Variants in USP45 observed in about 807,000 individuals in gnomAD.
USP45 encodes the protein ubiquitin specific peptidase 45.
USP45 carries 89 observed loss-of-function variants against 95.8 expected under a neutral mutation model. The ratio of observed to expected loss-of-function variants is 0.93; its 90% CI spans 0.78 to 1.11. USP45 has a LOEUF of 1.11. Ranked by LOEUF, USP45 falls within the 50% of genes least tolerant of loss-of-function variation. USP45 has a pLI of 0.00. For missense variants in USP45, 898 were observed against 942.5 expected (o/e 0.95, Z 0.62); for synonymous variants, 281 against 316.2 (o/e 0.89, Z 1.18).
chr6:99,489,850 T>C (rs1794782990), intron 5 of USP45, among the ~76,000 whole-genome samples: 2 of 151,988 alleles, frequency 1.3e-5, no homozygotes, highest in East Asian at 1.9e-4. Context: ...ACTCAGGAGG[T>C]TGAGGCATGA....
chr6:99,515,189 A>C (rs1242677573), intron 1 of USP45: 1 of 152,314 alleles, frequency 6.6e-6, no homozygotes, highest in African/African-American at 2.4e-5. Flanking sequence ...CCGCAGCCGC[A>C]TGGACCCGGA....
intron 7 of USP45, among the ~76,000 whole-genome samples, chr6:99,487,854 C>G (rs1794334478): frequency 6.6e-6 from 1 of 151,788 alleles, no homozygotes; most frequent in Non-Finnish European, 1.5e-5. Context: ...CTTTAAAGAA[C>G]AAAAATGCTA....
chr6:99,462,813 T>C (rs1318434613), intron 13 of USP45: 4 of 431,252 alleles, frequency 9.3e-6, no homozygotes, highest in Non-Finnish European at 1.3e-5. Flanking sequence ...CAAAACCCTA[T>C]CTCTACAAAA....
At chr6:99,445,568 G>A (rs927230849) in intron 14 of USP45, among the ~76,000 whole-genome samples, 24 of 151,608 alleles carry the variant, frequency 1.6e-4, no homozygotes, top group African/African-American at 5.8e-4. Context: ...ATATGGGTTT[G>A]CATTTTCAAG....
chr6:99,471,597 T>C (rs73494572), intron 9 of USP45, among the ~76,000 whole-genome samples: 207 of 152,326 alleles, frequency 1.4e-3, no homozygotes, highest in African/African-American at 4.9e-3. Context: ...TCTAGGAAAT[T>C]TGATTTTGTA....
chr6:99,435,545 T>C lies in USP45; in HGVS notation c.*171A>G, dbSNP rs954148173. The C allele has an allele frequency of 1.8e-5, 8 of 457,040 alleles. No homozygotes were observed. Among genetic ancestry groups the C allele is most frequent in the African/African-American group, 1.4e-4 (7 of 49,426 alleles). The allele number at this position is 457,040 out of a possible 1,614,324, so 28.3% of individuals were successfully genotyped here. On this transcript the variant is annotated 3_prime_UTR_variant, in exon 18 of 18. Coordinates refer to ENST00000500704, the MANE Select transcript of USP45 (RefSeq NM_001346022.3). ...TTTTAAGACTATGAATTTTAAAGCA[T>C]TGAGTAAATTTACTTTAAAAGGGTT...
At chr6:99,447,903 G>A (rs536581116) in intron 13 of USP45, among the ~76,000 whole-genome samples, 49 of 152,322 alleles carry the variant, frequency 3.2e-4, no homozygotes, top group African/African-American at 1.2e-3. Context: ...TCGCTGTTCT[G>A]CAGCCTCCGC....
At chr6:99,491,345 T>G (rs9483939) in intron 5 of USP45, among the ~76,000 whole-genome samples, 3,935 of 152,322 alleles carry the variant, frequency 0.026, 192 homozygotes, top group African/African-American at 0.09. Context: ...CTGATATGGA[T>G]GCTGGCTGGG....
At chr6:99,473,777 A>AACACACACACACACACAC (rs60031754) in intron 9 of USP45, among the ~76,000 whole-genome samples, 18,412 of 127,504 alleles carry the variant, frequency 0.14, 1,710 homozygotes, top group Middle Eastern at 0.21. Context: ...AAAAAAACAA[A>AACACACACACACACACAC]ACACACACAC....
At chr6:99,457,906 C>G (rs1785445531) in intron 13 of USP45, among the ~76,000 whole-genome samples, 1 of 152,162 alleles carries the variant, frequency 6.6e-6, no homozygotes. Context: ...CTTTTATCCT[C>G]CTACTCCTAG....
At position 99,461,030 on chromosome 6, in the gene USP45, G is replaced by C. The variant is rs1247829680; in HGVS notation, c.1308+3574C>G. Reference sequence around the variant, plus strand: ...ACGCTGCGCAGCTAACAGGTGGTGGGAACCAAAGTTCATGTAAATTGTACC... The same window carrying C: ...ACGCTGCGCAGCTAACAGGTGGTGGCAACCAAAGTTCATGTAAATTGTACC... On this transcript the variant is annotated intron_variant, in intron 13 of 17. Transcript: ENST00000500704. 10 of 985,178 alleles carry C rather than the reference G, an allele frequency of 1.0e-5. No individual in the cohort carries two copies. In the Admixed American group the frequency reaches 6.2e-4, roughly 61 times the overall value. The allele number at this position is 985,178 out of a possible 1,614,324, so 61.0% of individuals were successfully genotyped here.
At chr6:99,470,302 C>T (rs1398776376) in intron 9 of USP45, among the ~76,000 whole-genome samples, 1 of 152,192 alleles carries the variant, frequency 6.6e-6, no homozygotes, top group Non-Finnish European at 1.5e-5. Context: ...AGAAGACACT[C>T]ATGACCCCCA....
At position 99,462,095 on chromosome 6, in the gene USP45, A is replaced by T. The variant is rs1786581825; in HGVS notation, c.1308+2509T>A. The T allele has an allele frequency of 7.1e-6, 7 of 985,392 alleles. No homozygotes were observed. In the South Asian group the frequency reaches 3.3e-4, roughly 46 times the overall value. 61.0% of individuals were successfully genotyped at this position (985,392 alleles called of 1,614,324 possible). A position where few individuals can be genotyped will look rare whatever the true frequency, so the allele number is the denominator to read the frequency against. On this transcript the variant is annotated intron_variant, in intron 13 of 17. Transcript: ENST00000500704. ...TTTTCTAATTTTAGAACCGTATGCAAACTTGCACTTTTTCCCATCAAAACC... is the reference window on the plus strand; with the variant it reads ...TTTTCTAATTTTAGAACCGTATGCATACTTGCACTTTTTCCCATCAAAACC...
At chr6:99,442,368 T>G (rs1002208567) in intron 15 of USP45, among the ~76,000 whole-genome samples, 5 of 152,194 alleles carry the variant, frequency 3.3e-5, no homozygotes, top group Non-Finnish European at 7.3e-5. Context: ...CAACCTTGGC[T>G]ATGGAAGAAT....
chr6:99,481,664 CT>C (rs1792459349), intron 8 of USP45, among the ~76,000 whole-genome samples: 1 of 152,124 alleles, frequency 6.6e-6, no homozygotes, highest in Non-Finnish European at 1.5e-5. Context: ...CCCTTCCTCC[CT>C]CAATCTCTCC....
In USP45 at chr6:99,503,065, A is replaced by G. The variant is rs1415498027; in HGVS notation, c.478+700T>C. Among the ~76,000 whole-genome samples the G allele has an allele frequency of 2.0e-5, 3 of 152,214 alleles. No homozygotes were observed. In the East Asian group the frequency reaches 5.8e-4, roughly 29 times the overall value. The stretch of plus-strand genomic sequence containing the variant: ...ATACAGGTACTATGCAAGTATTTTT[A>G]CATGCACTATTGCTAAATCTTTAGA... On this transcript the variant is annotated intron_variant, in intron 5 of 17. Coordinates refer to ENST00000500704, the MANE Select transcript of USP45 (RefSeq NM_001346022.3).
chr6:99,468,203 C>T (rs1308428431), intron 10 of USP45: 1 of 463,740 alleles, frequency 2.2e-6, no homozygotes. Flanking sequence ...TTGATCCAAA[C>T]ACATGTCAAA....
intron 13 of USP45, among the ~76,000 whole-genome samples, chr6:99,447,540 C>T (rs563571589): frequency 2.8e-4 from 43 of 152,244 alleles, no homozygotes; most frequent in African/African-American, 1.0e-3. Context: ...ACAAAGCGGC[C>T]GGCCAGGAAG....
chr6:99,467,124 T>A (rs1298231845), intron 10 of USP45, among the ~76,000 whole-genome samples: 4 of 152,156 alleles, frequency 2.6e-5, no homozygotes, highest in African/African-American at 9.6e-5. Context: ...GGACTACGGA[T>A]GCCAGGATCA....
Sources: gnomAD v4.1 joint callset for allele counts (sites outside exome capture counted in the v4.1 genomes callset) on GRCh38, gnomAD v4.1.1 for gene constraint, MANE v1.5 for transcripts, NCBI Gene and HGNC (gene_info 2026-07-23, HGNC 2026-07-21) for gene names.